Variants in PKP2 observed in about 807,000 individuals in gnomAD.
The protein encoded by PKP2 is plakophilin 2.
In PKP2, 73 loss-of-function variants were observed where a neutral mutation model predicts 83.4. That is an observed-to-expected ratio of 0.88 (90% CI 0.72 to 1.06). The LOEUF is 1.06. Among genes scored for constraint, PKP2 ranks in the 50% least tolerant of loss-of-function variants. The pLI is 0.00. For synonymous variants in PKP2, 409 were observed against 430.4 expected (o/e 0.95, Z 0.62); for missense variants, 966 against 1,065.4 (o/e 0.91, Z 1.30).
At chr12:32,819,313 C>CAATAAAATAAAATAAAATAAAATAA (rs1201854178) in intron 9 of PKP2, among the ~76,000 whole-genome samples, 8 of 146,466 alleles carry the variant, frequency 5.5e-5, no homozygotes, top group Middle Eastern at 3.5e-3. Flanking sequence ...CAATACAATA[C>CAATAAAATAAAATAAAATAAAATAA]AATAAAATAA....
chr12:32,878,691 T>C (rs1956958777), intron 2 of PKP2, 148 bp from the exon 3 acceptor site: 1 of 740,716 alleles, frequency 1.4e-6, no homozygotes, highest in East Asian at 2.6e-5. Flanking sequence ...AAAGGCTTTT[T>C]GAAAATAAGA....
In PKP2 at chr12:32,821,446, C is replaced by T. The variant is rs772931025; in HGVS notation, c.1923G>A (p.Met641Ile). The part of the protein sequence containing the change: ...EWLWHSIVIR[M>I]YLSLIAKSVR... ...CACTTTTGGCGATCAAGGACAGATA[C>T]ATCCTTATAACAATGGAATGCCACA... Residue 641 changes from methionine (M) to isoleucine (I), a missense_variant, in exon 9 of 13, where the codon ATG becomes ATA. Physicochemically the swap from Met to Ile is conservative, Grantham distance 10. Transcript: ENST00000340811. 3.1e-6 allele frequency: 5 copies of T among 1,614,068 alleles called. No individual in the cohort carries two copies. Among genetic ancestry groups the T allele is most frequent in the Non-Finnish European group, 4.2e-6 (5 of 1,179,976 alleles).
At position 32,850,939 on chromosome 12, in the gene PKP2, T is replaced by C; in HGVS notation, c.1205A>G (p.Gln402Arg). ...NQLRGILKLLQLLKVQNEDVQ... is the reference protein window; with the variant it reads ...NQLRGILKLLRLLKVQNEDVQ... Reference sequence around the variant, plus strand: ...GTCTTCATTCTGAACTTTTAGGAGCTGCAGAAGCTTGAGGATGCCACGAAG... The same window carrying C: ...GTCTTCATTCTGAACTTTTAGGAGCCGCAGAAGCTTGAGGATGCCACGAAG... Residue 402 changes from glutamine (Q) to arginine (R), a missense_variant, in exon 5 of 13, where the codon CAG (glutamine) becomes CGG (arginine). Transcript: ENST00000340811. 6.2e-7 allele frequency: 1 copy of C among 1,614,142 alleles called. No homozygotes were observed. Among genetic ancestry groups the C allele is most frequent in the East Asian group, 2.2e-5 (1 of 44,890 alleles).
chr12:32,876,957 T>A (rs1185865533), intron 3 of PKP2, among the ~76,000 whole-genome samples: 2 of 152,262 alleles, frequency 1.3e-5, no homozygotes, highest in East Asian at 3.8e-4. Flanking sequence ...TTAGCCCTCA[T>A]CATTTTGAGA....
Position 32,858,134 on chromosome 12 carries a change from T to TTA in PKP2, c.1171-7163_1171-7162dup, listed in dbSNP as rs1189818316. Among the ~76,000 whole-genome samples the TTA allele has an allele frequency of 5.1e-3, 482 of 93,754 alleles. 6 individuals carry two copies. The highest frequency in any genetic ancestry group is 0.017 in the East Asian group (73 of 4,308). 61.5% of individuals were successfully genotyped at this position (93,754 alleles called of 152,430 possible). A position where few individuals can be genotyped will look rare whatever the true frequency, so the allele number is the denominator to read the frequency against. ...ATATATATTTATATATATTTTATATTTATATATATATATATATAAATATAT... is the reference window on the plus strand; with the variant it reads ...ATATATATTTATATATATTTTATATTTATATATATATATATATATAAATATAT... On this transcript the variant is annotated intron_variant, in intron 4 of 12. Coordinates refer to ENST00000340811, the MANE Select transcript of PKP2 (RefSeq NM_001005242.3).
At chr12:32,817,140 C>T (rs780786643) in intron 9 of PKP2, among the ~76,000 whole-genome samples, 1 of 152,114 alleles carries the variant, frequency 6.6e-6, no homozygotes. Flanking sequence ...ACACCTACAG[C>T]CATCTGGTCT....
chr12:32,811,744 T>C (rs1956278908), intron 9 of PKP2, among the ~76,000 whole-genome samples: 1 of 152,228 alleles, frequency 6.6e-6, no homozygotes, highest in Non-Finnish European at 1.5e-5. Context: ...TGTATCCTTC[T>C]GTTTCTTCAG....
intron 6 of PKP2, among the ~76,000 whole-genome samples, chr12:32,826,117 C>G (rs1956438022): frequency 6.6e-6 from 1 of 151,766 alleles, no homozygotes; most frequent in Non-Finnish European, 1.5e-5. Flanking sequence ...ATCTGGCTAA[C>G]ATGGTGAAAA....
intron 5 of PKP2, 118 bp from the exon 6 acceptor site, chr12:32,841,323 G>A: frequency 1.3e-6 from 1 of 799,630 alleles, no homozygotes; most frequent in Non-Finnish European, 2.1e-6. Context: ...AAATTTGGGG[G>A]GTTGGGGGGC....
At chr12:32,860,613 G>A (rs1228170157) in intron 4 of PKP2, among the ~76,000 whole-genome samples, 3 of 152,162 alleles carry the variant, frequency 2.0e-5, no homozygotes, top group Non-Finnish European at 2.9e-5. Context: ...CCTAATGCAC[G>A]CGGGGCTTAA....
At position 32,896,555 on chromosome 12, in the gene PKP2, C is replaced by T. The variant is rs1052318034; in HGVS notation, c.177G>A (p.Gln59=). The change falls in exon 1 of 13, where the codon CAG becomes CAA. Residue 59 remains glutamine, a synonymous_variant. Transcript: ENST00000340811. ...CCTTCCGGGCGAGGGTCTGCTGCAC[C>T]TGCTCCTGGATCCGCAGGCTCTTGA... The part of the protein sequence containing the change: ...QTVKSLRIQE[Q]VQQTLARKGR... 3 of 1,588,202 alleles carry T rather than the reference C, an allele frequency of 1.9e-6. No homozygotes were observed. In the South Asian group the frequency reaches 3.4e-5, roughly 18 times the overall value.
chr12:32,847,714 A>C (rs1956659405), intron 5 of PKP2, among the ~76,000 whole-genome samples: 1 of 152,154 alleles, frequency 6.6e-6, no homozygotes, highest in Non-Finnish European at 1.5e-5. Flanking sequence ...CTCTTTCAAA[A>C]CACCAATCCA....
chr12:32,844,178 T>C (rs1592747954), intron 5 of PKP2, among the ~76,000 whole-genome samples: 1 of 152,216 alleles, frequency 6.6e-6, no homozygotes, highest in African/African-American at 2.4e-5. Context: ...ATTTCTAATA[T>C]AGGATTTTGC....
intron 4 of PKP2, among the ~76,000 whole-genome samples, chr12:32,856,467 C>T (rs578180406): frequency 6.6e-6 from 1 of 152,060 alleles, no homozygotes; most frequent in Non-Finnish European, 1.5e-5. Context: ...GTAGCATTAA[C>T]AGGACCTGAA....
intron 6 of PKP2, among the ~76,000 whole-genome samples, chr12:32,826,305 CAAAA>C (rs71068338): frequency 3.5e-5 from 3 of 84,670 alleles, no homozygotes; most frequent in East Asian, 3.8e-4. Flanking sequence ...GACACCGTCT[CAAAA>C]AAAAAAAAAA....
Position 32,877,964 on chromosome 12 carries a change from G to T in PKP2, c.916C>A (p.Pro306Thr), listed in dbSNP as rs1209340253. 1 of 1,614,122 alleles carries T rather than the reference G, an allele frequency of 6.2e-7. No individual in the cohort carries two copies. Among genetic ancestry groups the T allele is most frequent in the African/African-American group, 1.3e-5 (1 of 75,054 alleles). The change falls in exon 3 of 13, where the codon CCC becomes ACC. Residue 306 changes from proline to threonine, a missense_variant. Pro to Thr is a conservative substitution (Grantham distance 38, BLOSUM62 -1). Transcript: ENST00000340811. ...HSTRTLREAGPSVAVDSSGRR... is the reference protein window; with the variant it reads ...HSTRTLREAGTSVAVDSSGRR... ...CCGCTGGAATCCACGGCGACACTGG[G>T]CCCAGCTTCCCTCAGCGTGCGGGTG...
intron 5 of PKP2, among the ~76,000 whole-genome samples, chr12:32,844,056 T>C (rs949365965): frequency 6.6e-6 from 1 of 152,210 alleles, no homozygotes; most frequent in Admixed American, 6.5e-5. Context: ...GAGGATTAAT[T>C]GGAACAAAGG....
intron 9 of PKP2, among the ~76,000 whole-genome samples, chr12:32,804,114 G>A (rs1449688591): frequency 4.6e-5 from 7 of 152,274 alleles, no homozygotes; most frequent in South Asian, 2.1e-4. Flanking sequence ...CAGGCTTTCC[G>A]TCTCTACCAT....
At chr12:32,859,914 T>A (rs148823410) in intron 4 of PKP2, among the ~76,000 whole-genome samples, 1 of 152,264 alleles carries the variant, frequency 6.6e-6, no homozygotes, top group African/African-American at 2.4e-5. Context: ...AACACTCTGA[T>A]AAAATGTTGA....
Sources: allele counts gnomAD v4.1 joint callset (sites outside exome capture counted in the v4.1 genomes callset), GRCh38; gene constraint gnomAD v4.1.1; transcripts MANE v1.5; gene names NCBI Gene and HGNC (gene_info 2026-07-23, HGNC 2026-07-21).